PLEKHA5: variants seen among roughly 807,000 people sequenced by gnomAD.
PLEKHA5 encodes pleckstrin homology domain containing A5.
Under a neutral mutation model 181.9 loss-of-function variants are expected in PLEKHA5, and 55 were observed. The ratio of observed to expected loss-of-function variants is 0.30; its 90% confidence interval spans 0.24 to 0.38. The LOEUF (loss-of-function observed/expected upper bound fraction) is 0.38. Ranked by LOEUF, PLEKHA5 falls within the 10% of genes least tolerant of loss-of-function variation. PLEKHA5 has a pLI of 1.00. For missense variants in PLEKHA5, 1,432 were observed against 1,549.5 expected (o/e 0.92, Z 1.27); for synonymous variants, 535 against 529.4 (o/e 1.01, Z -0.15).
rs1415306010 is a variant in PLEKHA5, at chr12:19,130,236, G to T, written c.169+106G>T. ...CCCGCGCCGCGGGCCCCGGGAGGCG[G>T]CGAGGCGGGGCGGAGGCCGGGCGGG... On this transcript the variant is annotated intron_variant, in intron 2 of 31. Transcript: ENST00000429027. This position sits in a 1 kb window ranked among gnomAD's most constrained non-coding sequence, Gnocchi z 4.5. The T allele has an allele frequency of 7.2e-6, 4 of 558,658 alleles. No individual in the cohort carries two copies. The African/African-American group carries it at 8.0e-5, about 11-fold the overall frequency. The allele number at this position is 558,658 out of a possible 1,614,324, so 34.6% of individuals were successfully genotyped here. A position where few individuals can be genotyped will look rare whatever the true frequency, so the allele number is the denominator to read the frequency against.
At chr12:19,252,442 T>TTAA (rs1253899437) in intron 3 of PLEKHA5, among the ~76,000 whole-genome samples, 14 of 152,152 alleles carry the variant, frequency 9.2e-5, no homozygotes, top group Non-Finnish European at 5.9e-5. Flanking sequence ...TATAGACTAT[T>TTAA]TAATATATCA....
At chr12:19,234,679 A>G (rs1432021380) in intron 3 of PLEKHA5, among the ~76,000 whole-genome samples, 1 of 152,182 alleles carries the variant, frequency 6.6e-6, no homozygotes, top group Non-Finnish European at 1.5e-5. Context: ...CTGCCTTCAA[A>G]TGGGGTGATC....
At chr12:19,336,644 G>A in intron 21 of PLEKHA5, 28 bp downstream of exon 21, 5 of 1,251,686 alleles carry the variant, frequency 4.0e-6, no homozygotes, top group Non-Finnish European at 5.8e-6. Flanking sequence ...TCTTTATATT[G>A]TTTTAACTGT....
At chr12:19,345,967 T>TAA (rs1336680176) in intron 23 of PLEKHA5, 79 bp downstream of exon 23, 2 of 681,658 alleles carry the variant, frequency 2.9e-6, no homozygotes, top group African/African-American at 3.8e-5. Flanking sequence ...TCTTCTCTAA[T>TAA]CTTAATAACA....
chr12:19,211,133 A>T (rs370666931), intron 3 of PLEKHA5, among the ~76,000 whole-genome samples: 2 of 152,254 alleles, frequency 1.3e-5, no homozygotes, highest in South Asian at 2.1e-4. Context: ...AAAATTACAG[A>T]TATACCAAAG....
At chr12:19,266,135 T>G (rs2152674630) in intron 8 of PLEKHA5, among the ~76,000 whole-genome samples, 3 of 152,250 alleles carry the variant, frequency 2.0e-5, no homozygotes, top group Admixed American at 2.0e-4. Flanking sequence ...ATGGATGTCC[T>G]GGTGATTATT....
chr12:19,206,622 T>A (rs2152117612), intron 3 of PLEKHA5, among the ~76,000 whole-genome samples: 1 of 152,228 alleles, frequency 6.6e-6, no homozygotes, highest in East Asian at 1.9e-4. Flanking sequence ...CTTAGTACCT[T>A]CAAATGCCAG....
At chr12:19,356,662 C>CTTTTTTTTTT (rs57809332) in intron 26 of PLEKHA5, among the ~76,000 whole-genome samples, 2 of 99,836 alleles carry the variant, frequency 2.0e-5, no homozygotes, top group Non-Finnish European at 3.6e-5. Context: ...AGTTGTTTTT[C>CTTTTTTTTTT]TTTTTTTTTT....
chr12:19,254,115 T>A, intron 4 of PLEKHA5, 92 bp downstream of exon 4: 1 of 777,630 alleles, frequency 1.3e-6, no homozygotes, highest in East Asian at 2.5e-5. Flanking sequence ...AGTTTTCTTA[T>A]CTGGACATTT....
chr12:19,283,488 C>G lies in PLEKHA5; in HGVS notation c.1522C>G (p.Gln508Glu). ...RRSMRDDTMW[Q>E]LYEWQQRQFY... Reference sequence around the variant, plus strand: ...GTCCATGAGAGATGACACAATGTGGCAGCTCTACGAATGGCAGCAGCGTCA... The same window carrying G: ...GTCCATGAGAGATGACACAATGTGGGAGCTCTACGAATGGCAGCAGCGTCA... The change falls in exon 12 of 32, where the codon CAG becomes GAG. Residue 508 changes from glutamine to glutamate, a missense_variant. Transcript: ENST00000429027. The G allele has an allele frequency of 6.2e-7, 1 of 1,614,130 alleles. No individual in the cohort carries two copies. Among genetic ancestry groups the G allele is most frequent in the South Asian group, 1.1e-5 (1 of 91,076 alleles).
At chr12:19,245,406 T>C (rs2063474394) in intron 3 of PLEKHA5, among the ~76,000 whole-genome samples, 1 of 152,120 alleles carries the variant, frequency 6.6e-6, no homozygotes, top group Admixed American at 6.6e-5. Flanking sequence ...GTCCCACTTA[T>C]TTTGCCGTTG....
At position 19,336,502 on chromosome 12, in the gene PLEKHA5, T is replaced by C; in HGVS notation, c.2449-13T>C. 1.4e-6 allele frequency: 2 copies of C among 1,410,068 alleles called. No homozygotes were observed. Among genetic ancestry groups the C allele is most frequent in the Non-Finnish European group, 2.0e-6 (2 of 1,002,090 alleles). The allele number at this position is 1,410,068 out of a possible 1,614,324, so 87.3% of individuals were successfully genotyped here. A position where few individuals can be genotyped will look rare whatever the true frequency, so the allele number is the denominator to read the frequency against. Reference sequence around the variant, plus strand: ...TTTTCCCCATTAAAGTAATTAACACTTTTTGGTTTTAGGAATTGGAACGAG... The same window carrying C: ...TTTTCCCCATTAAAGTAATTAACACCTTTTGGTTTTAGGAATTGGAACGAG... On this transcript the variant is annotated splice_polypyrimidine_tract_variant and intron_variant, in intron 20 of 31. Transcript: ENST00000429027.
rs1268110778 is a variant in PLEKHA5 at position 19,265,704 on chromosome 12, C to T, written c.611-46C>T. On this transcript the variant is annotated intron_variant, in intron 7 of 31. Coordinates refer to ENST00000429027, the MANE Select transcript of PLEKHA5 (RefSeq NM_001256470.2). ...AAATAGATCTTGAAAAACTTTGCTT[C>T]ATAAGAACATTTAAAATTCTAATCA... 5.4e-6 allele frequency: 6 copies of T among 1,115,600 alleles called. No individual in the cohort carries two copies. In the African/African-American group the frequency reaches 7.8e-5, roughly 15 times the overall value. 69.1% of individuals were successfully genotyped at this position (1,115,600 alleles called of 1,614,324 possible).
At chr12:19,202,240 G>C (rs1396278050) in intron 3 of PLEKHA5, among the ~76,000 whole-genome samples, 1 of 151,964 alleles carries the variant, frequency 6.6e-6, no homozygotes, top group African/African-American at 2.4e-5. Flanking sequence ...TGTGACACTG[G>C]AGAAGCCTCT....
At chr12:19,216,678 A>T (rs2058035655) in intron 3 of PLEKHA5, among the ~76,000 whole-genome samples, 1 of 151,700 alleles carries the variant, frequency 6.6e-6, no homozygotes, top group South Asian at 2.1e-4. Context: ...AAAAAAAAAA[A>T]GTTCTGTTAA....
At chr12:19,330,980 T>C (rs2092778975) in intron 20 of PLEKHA5, among the ~76,000 whole-genome samples, 1 of 152,170 alleles carries the variant, frequency 6.6e-6, no homozygotes, top group Admixed American at 6.5e-5. Flanking sequence ...ATTAAAAACC[T>C]ATGTCAATAC....
intron 15 of PLEKHA5, among the ~76,000 whole-genome samples, chr12:19,302,499 G>T (rs2081797239): frequency 6.6e-6 from 1 of 152,132 alleles, no homozygotes; most frequent in Non-Finnish European, 1.5e-5. Flanking sequence ...AGGTTCAAGT[G>T]ATTCTCCTGA....
At position 19,359,442 on chromosome 12, in the gene PLEKHA5, A is replaced by G. The variant is rs942705961; in HGVS notation, c.3379A>G (p.Thr1127Ala). Residue 1127 changes from threonine to alanine, a missense_variant, in exon 28 of 32, where the codon ACT becomes GCT. Transcript: ENST00000429027. ...AAGGAGGGATGATAAGGAACTGGAC[A>G]CTGCCATTAGAGAAAATGATGTAAA... ...TRRRDDKELD[T>A]AIRENDVKPD... 3 of 1,613,522 alleles carry G rather than the reference A, an allele frequency of 1.9e-6. No individual in the cohort carries two copies. The highest frequency in any genetic ancestry group is 1.1e-5 in the South Asian group (1 of 91,076).
chr12:19,279,084 G>T (rs1308449329), intron 11 of PLEKHA5, among the ~76,000 whole-genome samples: 1 of 152,076 alleles, frequency 6.6e-6, no homozygotes, highest in Non-Finnish European at 1.5e-5. Flanking sequence ...GTTTCAGTTG[G>T]CCATTGGCTA....
Sources: allele counts gnomAD v4.1 joint callset (sites outside exome capture counted in the v4.1 genomes callset), GRCh38; gene constraint gnomAD v4.1.1; non-coding constraint Gnocchi (gnomAD v3.1); transcripts MANE v1.5; gene names NCBI Gene and HGNC (gene_info 2026-07-23, HGNC 2026-07-21).